The following COL4A4 variants were observed in gnomAD, a reference collection of about 807,000 sequenced individuals.
The protein encoded by COL4A4 is collagen type IV alpha 4 chain.
In COL4A4, 105 loss-of-function variants were observed where a neutral mutation model predicts 192.9. The observed-to-expected ratio is 0.54, with a 90% CI of 0.46 to 0.64. COL4A4 has a LOEUF of 0.64. Among genes scored for constraint, COL4A4 ranks in the 30% least tolerant of loss-of-function variants. The pLI, the probability that COL4A4 is intolerant of heterozygous loss-of-function variation, is 0.00. For synonymous variants in COL4A4, 762 were observed against 769.9 expected, an observed-to-expected ratio of 0.99 and a Z score of 0.17; for missense variants, 1,967 against 2,169.3, an observed-to-expected ratio of 0.91 and a Z score of 1.85.
chr2:227,085,335 ATAAAC>A (rs2059544801), intron 22 of COL4A4, among the ~76,000 whole-genome samples: 1 of 152,208 alleles, frequency 6.6e-6, no homozygotes, highest in Non-Finnish European at 1.5e-5. Flanking sequence ...CCTTGTGTTC[ATAAAC>A]TTCTAATATC....
intron 2 of COL4A4, 63 bp downstream of exon 2, chr2:227,147,350 A>G (rs1419828844): frequency 5.4e-6 from 8 of 1,483,770 alleles, no homozygotes; most frequent in African/African-American, 1.4e-5. Flanking sequence ...GTTTACATCC[A>G]TAGAACAAAC....
At chr2:227,044,793 T>C (rs2150116872) in intron 35 of COL4A4, among the ~76,000 whole-genome samples, 1 of 152,278 alleles carries the variant, frequency 6.6e-6, no homozygotes, top group Non-Finnish European at 1.5e-5. Flanking sequence ...ATGATGCTCA[T>C]TCAAGTTCAA....
chr2:227,060,120 A>AAAAAAAAAAC lies in COL4A4; in HGVS notation c.2164+15_2164+16insGTTTTTTTTT. The AAAAAAAAAAC allele has an allele frequency of 3.6e-6, 5 of 1,403,938 alleles. No individual in the cohort carries two copies. The highest frequency in any genetic ancestry group is 1.3e-5 in the South Asian group (1 of 79,304). 87.0% of individuals were successfully genotyped at this position (1,403,938 alleles called of 1,614,324 possible). On this transcript the variant is annotated intron_variant, in intron 27 of 47. Transcript: ENST00000396625. ...AAAGCAGAAAAAAAAAAAAAAAAAA[A>AAAAAAAAAAC]AAAAACCTCACTGACCAGGTGGACC...
chr2:227,012,119 G>T, intron 45 of COL4A4, 62 bp downstream of exon 45: 1 of 1,352,790 alleles, frequency 7.4e-7, no homozygotes, highest in Non-Finnish European at 1.1e-6. Context: ...AGAGATCAGA[G>T]ATTTTGTATA....
intron 44 of COL4A4, among the ~76,000 whole-genome samples, chr2:227,020,718 A>G (rs1256669878): frequency 1.3e-5 from 2 of 152,026 alleles, no homozygotes; most frequent in African/African-American, 4.8e-5. Context: ...CTTTTCAAAG[A>G]ATTTGCCCAT....
intron 24 of COL4A4, among the ~76,000 whole-genome samples, chr2:227,079,909 T>C (rs2059228543): frequency 6.6e-6 from 1 of 152,162 alleles, no homozygotes; most frequent in East Asian, 1.9e-4. Context: ...TAATTACCAT[T>C]ACCTACACAT....
At chr2:227,014,045 G>A (rs1038192067) in intron 44 of COL4A4, among the ~76,000 whole-genome samples, 7 of 152,178 alleles carry the variant, frequency 4.6e-5, no homozygotes, top group African/African-American at 1.7e-4. Context: ...GATTTCCCAC[G>A]CAGGCCCCTC....
At chr2:227,151,730 C>A (rs987167349) in intron 1 of COL4A4, among the ~76,000 whole-genome samples, 1 of 152,132 alleles carries the variant, frequency 6.6e-6, no homozygotes, top group Non-Finnish European at 1.5e-5. Flanking sequence ...GAGGATTGAG[C>A]CCTCCAGAAT....
chr2:227,082,062 G>T, intron 23 of COL4A4, 53 bp downstream of exon 23: 2 of 1,391,028 alleles, frequency 1.4e-6, no homozygotes, highest in East Asian at 2.3e-5. Flanking sequence ...CAAGAGGAGG[G>T]TCCATACATC....
chr2:227,078,771 C>G (rs1331467214), intron 24 of COL4A4, among the ~76,000 whole-genome samples: 2 of 152,170 alleles, frequency 1.3e-5, no homozygotes, highest in South Asian at 2.1e-4. Flanking sequence ...TAGCTAGACT[C>G]CATCATCCTC....
chr2:227,070,872 T>TAAC, intron 25 of COL4A4, among the ~76,000 whole-genome samples: 1 of 134,936 alleles, frequency 7.4e-6, no homozygotes, highest in Admixed American at 7.6e-5. Context: ...ACTTAAAGTA[T>TAAC]AATAATAAAT....
At chr2:226,995,404 AT>A in the COL4A4 span, 2 of 1,464,726 alleles carry the variant, frequency 1.4e-6, no homozygotes, top group Non-Finnish European at 1.9e-6. Context: ...AGAATGATTG[AT>A]TTTTCCTTTG....
At chr2:227,012,631 T>TTAAAA (rs758858997) in intron 44 of COL4A4, among the ~76,000 whole-genome samples, 1 of 51,428 alleles carries the variant, frequency 1.9e-5, no homozygotes, top group Admixed American at 1.9e-4. Flanking sequence ...ATATTTGACT[T>TTAAAA]CAAAAAAAAA....
At chr2:227,142,600 C>CA (rs1000137686) in intron 3 of COL4A4, among the ~76,000 whole-genome samples, 24 of 151,664 alleles carry the variant, frequency 1.6e-4, no homozygotes, top group Non-Finnish European at 3.2e-4. Flanking sequence ...CTAAAAATAA[C>CA]AAAAAAATTA....
At chr2:227,130,504 C>T (rs1329995204) in intron 4 of COL4A4, among the ~76,000 whole-genome samples, 1 of 152,248 alleles carries the variant, frequency 6.6e-6, no homozygotes, top group African/African-American at 2.4e-5. Context: ...ATCCCTGCCC[C>T]TTGGCCTTGC....
At chr2:227,101,103 C>T (rs1017032391) in intron 17 of COL4A4, among the ~76,000 whole-genome samples, 1 of 152,158 alleles carries the variant, frequency 6.6e-6, no homozygotes, top group Non-Finnish European at 1.5e-5. Context: ...CCACCACGCC[C>T]AGCCTTTCCT....
chr2:227,109,334 T>C (rs2061045107), intron 9 of COL4A4, 48 bp from the exon 10 acceptor site: 1 of 1,483,516 alleles, frequency 6.7e-7, no homozygotes, highest in Non-Finnish European at 9.4e-7. Flanking sequence ...ATTGTAATCA[T>C]CTTTCACAGA....
At chr2:227,153,595 G>A (rs112328008) in intron 1 of COL4A4, among the ~76,000 whole-genome samples, 3,659 of 152,226 alleles carry the variant, frequency 0.024, 134 homozygotes, top group African/African-American at 0.08. Flanking sequence ...GATGAGGATA[G>A]TACAGACAGA....
chr2:227,125,444 A>T, intron 4 of COL4A4, among the ~76,000 whole-genome samples: 1 of 151,906 alleles, frequency 6.6e-6, no homozygotes, highest in Non-Finnish European at 1.5e-5. Context: ...CCTGACCTCA[A>T]GTGATCCTCC....
Sources: gnomAD v4.1 joint callset for allele counts (sites outside exome capture counted in the v4.1 genomes callset) on GRCh38, gnomAD v4.1.1 for gene constraint, MANE v1.5 for transcripts, NCBI Gene and HGNC (gene_info 2026-07-23, HGNC 2026-07-21) for gene names.